Variants in DPYD observed in about 807,000 individuals in gnomAD.
The protein encoded by DPYD is dihydropyrimidine dehydrogenase, also known as dihydropyrimidine dehydrogenase [NADP(+)].
In DPYD, 109 loss-of-function variants were observed where a neutral mutation model predicts 116.2. That is an observed-to-expected ratio of 0.94 (90% confidence interval 0.80 to 1.10). DPYD has a LOEUF of 1.10. DPYD is among the 50% of genes least tolerant of loss of function. The pLI is 0.00. For missense variants in DPYD, 1,302 were observed against 1,254.5 expected, an observed-to-expected ratio of 1.04 and a Z score of -0.57; for synonymous variants, 440 against 432.0, an observed-to-expected ratio of 1.02 and a Z score of -0.23.
At chr1:97,251,102 A>G (rs1354098539) in intron 18 of DPYD, among the ~76,000 whole-genome samples, 1 of 152,204 alleles carries the variant, frequency 6.6e-6, no homozygotes, top group East Asian at 1.9e-4. Context: ...TTGCAAATAG[A>G]AAATGAATCT....
At chr1:97,112,465 G>C (rs1651669342) in intron 20 of DPYD, among the ~76,000 whole-genome samples, 1 of 152,046 alleles carries the variant, frequency 6.6e-6, no homozygotes, top group Non-Finnish European at 1.5e-5. Flanking sequence ...ATGAAAGCAA[G>C]ACCATTCTGT....
At chr1:97,770,343 G>A (rs1192710842) in intron 3 of DPYD, among the ~76,000 whole-genome samples, 1 of 152,060 alleles carries the variant, frequency 6.6e-6, no homozygotes, top group Non-Finnish European at 1.5e-5. Context: ...TTATGATTTA[G>A]GTAATGTAAA....
chr1:97,256,728 C>T (rs1557977192), intron 18 of DPYD, among the ~76,000 whole-genome samples: 1 of 152,036 alleles, frequency 6.6e-6, no homozygotes, highest in Non-Finnish European at 1.5e-5. Flanking sequence ...AACATCTCTT[C>T]TTTCCTTTAT....
intron 12 of DPYD, among the ~76,000 whole-genome samples, chr1:97,522,196 A>G (rs750693091): frequency 6.6e-5 from 10 of 152,204 alleles, no homozygotes; most frequent in Admixed American, 2.6e-4. Flanking sequence ...CAAAGAACTT[A>G]AACAAACTTA....
intron 10 of DPYD, among the ~76,000 whole-genome samples, chr1:97,578,182 T>C (rs575620976): frequency 3.7e-4 from 56 of 152,238 alleles, no homozygotes; most frequent in African/African-American, 1.3e-3. Flanking sequence ...ATAATAATGG[T>C]AATAAGTATT....
intron 8 of DPYD, among the ~76,000 whole-genome samples, chr1:97,604,308 T>A (rs1482692331): frequency 6.6e-6 from 1 of 152,076 alleles, no homozygotes; most frequent in Non-Finnish European, 1.5e-5. Flanking sequence ...CAAAACCGCA[T>A]CTCCTTATAG....
rs368711505 is a variant in DPYD at position 97,637,505 on chromosome 1, C to A, written c.850+41590G>T. On this transcript the variant is annotated intron_variant, in intron 8 of 22. Transcript: ENST00000370192. Reference sequence around the variant, plus strand: ...GAGAGTACAGGAAAAGTTTTCCCCCCCTCAACAACACAAAATACCCTAAGG... The same window carrying A: ...GAGAGTACAGGAAAAGTTTTCCCCCACTCAACAACACAAAATACCCTAAGG... Among the ~76,000 whole-genome samples, 5 of 150,696 alleles carry A rather than the reference C, an allele frequency of 3.3e-5. No individual in the cohort carries two copies. In the East Asian group the frequency reaches 7.8e-4, roughly 23 times the overall value.
chr1:97,669,998 G>A (rs776542220), intron 8 of DPYD, among the ~76,000 whole-genome samples: 3 of 152,078 alleles, frequency 2.0e-5, no homozygotes, highest in Non-Finnish European at 4.4e-5. Context: ...CTATCCAACA[G>A]TACATCTCCT....
chr1:97,162,266 A>G (rs1655969288), intron 20 of DPYD, among the ~76,000 whole-genome samples: 1 of 152,112 alleles, frequency 6.6e-6, no homozygotes, highest in Non-Finnish European at 1.5e-5. Flanking sequence ...TTGCCATTCT[A>G]ACTGGTGTGA....
At chr1:97,083,983 T>A (rs1226584730) in intron 21 of DPYD, among the ~76,000 whole-genome samples, 1 of 152,132 alleles carries the variant, frequency 6.6e-6, no homozygotes, top group South Asian at 2.1e-4. Flanking sequence ...AATTTCTCAT[T>A]AATTTTAATG....
At chr1:97,110,144 T>C (rs1651484798) in intron 20 of DPYD, among the ~76,000 whole-genome samples, 1 of 152,114 alleles carries the variant, frequency 6.6e-6, no homozygotes, top group Non-Finnish European at 1.5e-5. Flanking sequence ...GAAAAGATAC[T>C]GAGGGAAGGA....
intron 11 of DPYD, among the ~76,000 whole-genome samples, chr1:97,559,199 G>A (rs1023687752): frequency 6.6e-6 from 1 of 151,994 alleles, no homozygotes; most frequent in East Asian, 1.9e-4. Flanking sequence ...GCTCAATTAT[G>A]TCATCAAATG....
At chr1:97,283,073 T>C (rs1199558678) in intron 18 of DPYD, among the ~76,000 whole-genome samples, 2 of 152,128 alleles carry the variant, frequency 1.3e-5, no homozygotes, top group African/African-American at 2.4e-5. Flanking sequence ...AGGATAAACA[T>C]ACACCTATCT....
chr1:97,898,926 C>A (rs527266071), intron 1 of DPYD, among the ~76,000 whole-genome samples: 18 of 151,958 alleles, frequency 1.2e-4, no homozygotes, highest in African/African-American at 3.9e-4. Flanking sequence ...CTGAATCCAT[C>A]AAACCTCTTT....
intron 14 of DPYD, among the ~76,000 whole-genome samples, chr1:97,406,669 A>T (rs932137597): frequency 6.9e-6 from 1 of 144,782 alleles, no homozygotes; most frequent in Middle Eastern, 4.0e-3. Context: ...TTAGCGTTTT[A>T]CTTGTTAAGA....
chr1:97,438,727 AAAC>A (rs989643377), intron 14 of DPYD, among the ~76,000 whole-genome samples: 8 of 152,056 alleles, frequency 5.3e-5, no homozygotes, highest in Admixed American at 6.5e-5. Flanking sequence ...TACAATCTAA[AAAC>A]AACAGCCTGT....
intron 10 of DPYD, among the ~76,000 whole-genome samples, chr1:97,579,696 C>G (rs1277551993): frequency 6.6e-6 from 1 of 152,134 alleles, no homozygotes; most frequent in African/African-American, 2.4e-5. Context: ...CTCATGGCAC[C>G]CATATATATT....
chr1:97,755,393 C>G (rs1430486465), intron 3 of DPYD, among the ~76,000 whole-genome samples: 1 of 152,164 alleles, frequency 6.6e-6, no homozygotes, highest in Non-Finnish European at 1.5e-5. Context: ...CCTTGGAAGA[C>G]TGGCCCACAA....
intron 13 of DPYD, among the ~76,000 whole-genome samples, chr1:97,482,786 C>A (rs1373096538): frequency 2.0e-5 from 3 of 152,114 alleles, no homozygotes; most frequent in Admixed American, 6.6e-5. Context: ...CTGCCTTTGC[C>A]CCTAACTTCC....
Sources: allele counts gnomAD v4.1 joint callset (sites outside exome capture counted in the v4.1 genomes callset), GRCh38; gene constraint gnomAD v4.1.1; transcripts MANE v1.5; gene names NCBI Gene and HGNC (gene_info 2026-07-23, HGNC 2026-07-21).